STK3: variants seen among roughly 807,000 people sequenced by gnomAD.
STK3 encodes serine/threonine kinase 3, also known as serine/threonine-protein kinase 3.
A neutral mutation model predicts 58.0 loss-of-function variants in STK3; 41 were observed. That is an observed-to-expected ratio of 0.71 (90% confidence interval 0.55 to 0.92). STK3 has a LOEUF of 0.92. Ranked by LOEUF, STK3 falls within the 40% of genes least tolerant of loss-of-function variation. The pLI, the probability that STK3 is intolerant of heterozygous loss-of-function variation, is 0.00. For missense variants in STK3, 479 were observed against 602.7 expected, an observed-to-expected ratio of 0.79 and a Z score of 2.15; for synonymous variants, 170 against 191.0, an observed-to-expected ratio of 0.89 and a Z score of 0.91.
In STK3 at chr8:98,814,052, A is replaced by AT. The variant is rs975594453; in HGVS notation, c.26+11462dup. The stretch of plus-strand genomic sequence containing the variant: ...AAAAAGGCAACTGAATCTTTAATTG[A>AT]TTTTTTTCTTCTTTTTGAGACGGAG... On this transcript the variant is annotated intron_variant, in intron 1 of 10. Coordinates refer to ENST00000419617, the MANE Select transcript of STK3 (RefSeq NM_006281.4). 2.6e-5 allele frequency among the ~76,000 whole-genome samples: 4 copies of AT among 152,012 alleles called. No homozygotes were observed. In the East Asian group the frequency reaches 5.8e-4, roughly 22 times the overall value.
At chr8:98,409,738 TG>T (rs985884565) in intron 3 of STK3, among the ~76,000 whole-genome samples, 6 of 152,262 alleles carry the variant, frequency 3.9e-5, no homozygotes, top group African/African-American at 1.4e-4. Flanking sequence ...AGCCTGGCTC[TG>T]GGGGCTTGCA....
downstream of STK3, among the ~76,000 whole-genome samples, chr8:98,398,576 G>A (rs569919120): frequency 1.2e-3 from 183 of 152,220 alleles, no homozygotes; most frequent in African/African-American, 3.8e-3. Flanking sequence ...GCTGTGCCTC[G>A]CCGCTCTTAG....
intron 10 of STK3, among the ~76,000 whole-genome samples, chr8:98,499,397 C>T (rs1408193317): frequency 6.6e-6 from 1 of 152,070 alleles, no homozygotes; most frequent in Admixed American, 6.6e-5. Context: ...GATTTTGGAG[C>T]CTGGAAGTGG....
chr8:98,434,684 G>C (rs7819844), intron 2 of STK3, among the ~76,000 whole-genome samples: 89,484 of 152,098 alleles, frequency 0.59, 26,908 homozygotes, highest in Non-Finnish European at 0.64. Context: ...GACCCGTGGA[G>C]GGGAAACAGA....
chr8:98,382,334 T>C (rs979580316), intron 1 of STK3, among the ~76,000 whole-genome samples: 5 of 152,364 alleles, frequency 3.3e-5, no homozygotes, highest in African/African-American at 1.2e-4. Context: ...CAAATGCACA[T>C]GATTTTGACG....
rs34154680 is a variant in STK3 at position 98,839,049 on chromosome 8, TGG to T, written c.110+44596_110+44597del. Among the ~76,000 whole-genome samples the T allele has an allele frequency of 2.0e-5, 3 of 148,168 alleles. No homozygotes were observed. In the East Asian group the frequency reaches 5.9e-4, roughly 29 times the overall value. ...GTGGCTTTTTTGTTTGTTTGATTTTTGGGGGGGGGCGGTTTGAGACAAGGTCT... is the reference window on the plus strand; with the variant it reads ...GTGGCTTTTTTGTTTGTTTGATTTTTGGGGGGGCGGTTTGAGACAAGGTCT... On this transcript the variant is annotated intron_variant, in intron 3 of 12. Coordinates refer to the STK3 transcript ENST00000523601.
At chr8:98,939,961 G>A (rs1840344892) in intron 1 of STK3, among the ~76,000 whole-genome samples, 1 of 152,226 alleles carries the variant, frequency 6.6e-6, no homozygotes, top group African/African-American at 2.4e-5. Context: ...GGACACTGAA[G>A]CGCTTGGTTC....
intron 4 of STK3, among the ~76,000 whole-genome samples, chr8:98,707,985 A>T (rs1324211434): frequency 8.6e-5 from 13 of 151,948 alleles, no homozygotes; most frequent in Non-Finnish European, 1.5e-5. Context: ...CTAAAAATAC[A>T]AAAATTAGCC....
At chr8:98,914,737 G>A (rs1343932539) in intron 1 of STK3, among the ~76,000 whole-genome samples, 3 of 152,180 alleles carry the variant, frequency 2.0e-5, no homozygotes, top group Non-Finnish European at 4.4e-5. Context: ...GCATGTAAGA[G>A]CTAAACGTGC....
intron 2 of STK3, among the ~76,000 whole-genome samples, chr8:98,374,607 C>A (rs934215390): frequency 2.0e-5 from 3 of 152,282 alleles, no homozygotes; most frequent in Admixed American, 2.0e-4. Context: ...TCCTGGAGAG[C>A]AAATGCTTCT....
chr8:98,460,350 C>A (rs754414412), intron 10 of STK3, among the ~76,000 whole-genome samples: 25 of 152,190 alleles, frequency 1.6e-4, no homozygotes, highest in Admixed American at 5.2e-4. Context: ...GCCTGTACCC[C>A]CATTGTGTCT....
At chr8:98,546,435 T>C (rs184683655) in intron 9 of STK3, among the ~76,000 whole-genome samples, 156 of 152,206 alleles carry the variant, frequency 1.0e-3, no homozygotes, top group African/African-American at 3.1e-3. Flanking sequence ...GAAAAGTTGT[T>C]CATATAGTTT....
intron 10 of STK3, 55 bp from the exon 11 acceptor site, chr8:98,456,055 T>A: frequency 6.7e-7 from 1 of 1,493,506 alleles, no homozygotes; most frequent in Non-Finnish European, 9.1e-7. Context: ...TTATCCACAA[T>A]CAATACAATG....
At chr8:98,914,501 C>CTT (rs1839271362) in intron 1 of STK3, among the ~76,000 whole-genome samples, 1 of 151,978 alleles carries the variant, frequency 6.6e-6, no homozygotes, top group Non-Finnish European at 1.5e-5. Context: ...CACTCTCTCT[C>CTT]TCTCTCTCTT....
intron 6 of STK3, among the ~76,000 whole-genome samples, chr8:98,631,670 G>A (rs62535404): frequency 0.26 from 38,806 of 151,578 alleles, 5,501 homozygotes; most frequent in East Asian, 0.41. Flanking sequence ...GTTTTTTTGT[G>A]TGTTTTTTTC....
At chr8:98,873,620 T>C (rs181517381) in intron 3 of STK3, among the ~76,000 whole-genome samples, 5,802 of 152,296 alleles carry the variant, frequency 0.038, 139 homozygotes, top group South Asian at 0.067. Context: ...TTTTAATCTT[T>C]GTTGGTTTAA....
chr8:98,577,307 T>C (rs1813488885), intron 8 of STK3, among the ~76,000 whole-genome samples: 1 of 152,016 alleles, frequency 6.6e-6, no homozygotes, highest in Non-Finnish European at 1.5e-5. Flanking sequence ...ACCAATATGA[T>C]GAAACCTGGT....
At chr8:98,818,238 T>C (rs1319470408) in intron 1 of STK3, among the ~76,000 whole-genome samples, 2 of 152,242 alleles carry the variant, frequency 1.3e-5, no homozygotes, top group African/African-American at 4.8e-5. Context: ...ACACTACTTA[T>C]ATCTTTCATA....
At chr8:98,596,426 T>A (rs1372280151) in intron 6 of STK3, 1 of 312,366 alleles carries the variant, frequency 3.2e-6, no homozygotes, top group Non-Finnish European at 6.0e-6. Flanking sequence ...CTTTTTTTTA[T>A]CAGTCTCTAA....
Sources: gnomAD v4.1 joint callset for allele counts (sites outside exome capture counted in the v4.1 genomes callset) on GRCh38, gnomAD v4.1.1 for gene constraint, MANE v1.5 for transcripts, NCBI Gene and HGNC (gene_info 2026-07-23, HGNC 2026-07-21) for gene names.